YIPF6: variants seen among roughly 807,000 people sequenced by gnomAD.
YIPF6 encodes the protein Yip1 domain family member 6.
Under a neutral mutation model 16.8 loss-of-function variants are expected in YIPF6, and 3 were observed. The observed-to-expected ratio is 0.18, with a 90% confidence interval of 0.08 to 0.46. YIPF6 has a LOEUF of 0.46. Among genes scored for constraint, YIPF6 ranks in the 20% least tolerant of loss-of-function variants. The pLI, the probability that YIPF6 is intolerant of heterozygous loss-of-function variation, is 0.98. For missense variants in YIPF6, 145 were observed against 184.9 expected (o/e 0.78, Z 1.25); for synonymous variants, 67 against 61.9 (o/e 1.08, Z -0.38).
In YIPF6 at chrX:68,522,783, T is replaced by C; in HGVS notation, c.458T>C (p.Val153Ala). ...GNISFFQSLC[V>A]LGYCILPLTV... is the part of the protein sequence containing the mutation. ...AGATCTTTTTTTCAGAGCCTCTGTG[T>C]GCTGGGTTACTGTATACTTCCCTTG... is the stretch of plus-strand genomic sequence containing the variant. The change falls in exon 6 of 7, where the codon GTG (valine) becomes GCG (alanine). Residue 153 changes from valine to alanine, a missense_variant. By Grantham distance (64) the Val-to-Ala change is moderately conservative. Coordinates refer to ENST00000462683, the MANE Select transcript of YIPF6 (RefSeq NM_173834.4). 8.3e-7 allele frequency: 1 copy of C among 1,206,980 alleles called. No individual in the cohort carries two copies. The highest frequency in any genetic ancestry group is 1.1e-6 in the Non-Finnish European group (1 of 894,213).
In YIPF6 at chrX:68,535,423, T is replaced by A. The variant is rs2147830096; in HGVS notation, c.*3424T>A. On this transcript the variant is annotated 3_prime_UTR_variant, in exon 7 of 7. Coordinates refer to ENST00000462683, the MANE Select transcript of YIPF6 (RefSeq NM_173834.4). ...GGTAACATCAAGTCATTAGAATTTA[T>A]CTAAAGCTTATCATGATTTGATAAG... 1 of 112,391 alleles carries A rather than the reference T, an allele frequency of 8.9e-6. No individual in the cohort carries two copies. The highest frequency in any genetic ancestry group is 2.8e-4 in the East Asian group (1 of 3,580). The allele number at this position is 112,391 out of a possible 1,213,427, so 9.3% of individuals were successfully genotyped here.
chrX:68,504,453 G>A (rs912263102), intron 1 of YIPF6, among the ~76,000 whole-genome samples: 3 of 111,433 alleles, frequency 2.7e-5, no homozygotes, highest in African/African-American at 9.8e-5. Context: ...CCCATCCTGA[G>A]TCATCACCAG....
chrX:68,517,777 G>A (rs775279585), intron 3 of YIPF6, among the ~76,000 whole-genome samples: 3 of 107,201 alleles, frequency 2.8e-5, no homozygotes, highest in East Asian at 6.1e-4. Flanking sequence ...AGACCAGCCT[G>A]GGCAACATGG....
Position 68,526,686 on chromosome X carries a change from G to A in YIPF6, c.592+3769G>A, listed in dbSNP as rs374948661. The stretch of plus-strand genomic sequence containing the variant: ...TTATTGAGAGTTTTTAGCATGAAGC[G>A]GTGTTGAATTTTATCAAAGGCCTTT... On this transcript the variant is annotated intron_variant, in intron 6 of 6. Coordinates refer to ENST00000462683, the MANE Select transcript of YIPF6 (RefSeq NM_173834.4). 1.0e-3 allele frequency among the ~76,000 whole-genome samples: 116 copies of A among 111,605 alleles called. 2 individuals carry two copies. The highest frequency in any genetic ancestry group is 0.01 in the East Asian group (36 of 3,550).
intron 3 of YIPF6, chrX:68,513,611 A>G: frequency 4.0e-6 from 1 of 249,862 alleles, no homozygotes; most frequent in Admixed American, 6.8e-5. Context: ...TTTTTGAGAC[A>G]GAGTCTCACT....
At chrX:68,522,331 G>A (rs1215271503) in intron 5 of YIPF6, among the ~76,000 whole-genome samples, 1 of 107,099 alleles carries the variant, frequency 9.3e-6, no homozygotes, top group Non-Finnish European at 1.9e-5. Flanking sequence ...ATGGAGTCTC[G>A]CTCTGTCCAG....
chrX:68,528,733 A>G (rs6525240), intron 6 of YIPF6, among the ~76,000 whole-genome samples: 33,037 of 110,303 alleles, frequency 0.3, 7,055 homozygotes, highest in African/African-American at 0.76. Flanking sequence ...TTTCTCCTTC[A>G]CTTATGAAGA....
chrX:68,518,272 C>CAA (rs56068863), intron 3 of YIPF6, among the ~76,000 whole-genome samples: 1 of 74,151 alleles, frequency 1.3e-5, no homozygotes, highest in East Asian at 4.6e-4. Context: ...AACTCCATCT[C>CAA]AAAAAAAAAA....
intron 5 of YIPF6, among the ~76,000 whole-genome samples, chrX:68,521,895 C>T (rs1410465091): frequency 9.0e-6 from 1 of 110,805 alleles, no homozygotes; most frequent in Non-Finnish European, 1.9e-5. Flanking sequence ...TACCTGGCCT[C>T]ATATTTTGTT....
intron 3 of YIPF6, among the ~76,000 whole-genome samples, chrX:68,515,996 G>A (rs1422957497): frequency 2.7e-5 from 3 of 111,124 alleles, no homozygotes; most frequent in Admixed American, 9.6e-5. Flanking sequence ...GGTGGCAGGC[G>A]CCTGTAGTCC....
chrX:68,516,435 A>G (rs572606171), intron 3 of YIPF6, among the ~76,000 whole-genome samples: 44 of 111,583 alleles, frequency 3.9e-4, no homozygotes, highest in African/African-American at 1.2e-3. Context: ...TTTCAGCTCC[A>G]TTATAATTTT....
At chrX:68,527,177 C>T (rs763881662) in intron 6 of YIPF6, among the ~76,000 whole-genome samples, 26 of 111,513 alleles carry the variant, frequency 2.3e-4, no homozygotes, top group Middle Eastern at 9.3e-3. Flanking sequence ...TTCAGGGATT[C>T]GACGTCTTCC....
At chrX:68,521,237 A>T in intron 4 of YIPF6, 135 bp from the exon 5 acceptor site, 1 of 751,671 alleles carries the variant, frequency 1.3e-6, no homozygotes, top group East Asian at 3.7e-5. Flanking sequence ...TTTTCCTTTT[A>T]GCACAACCTA....
intron 4 of YIPF6, among the ~76,000 whole-genome samples, chrX:68,519,891 C>T (rs1195301221): frequency 1.8e-5 from 2 of 111,656 alleles, no homozygotes; most frequent in South Asian, 3.7e-4. Context: ...TTAGATGTCC[C>T]GAGCATATAT....
In YIPF6 at chrX:68,534,859, C is replaced by T. The variant is rs1205819170; in HGVS notation, c.*2860C>T. 1 of 112,113 alleles carries T rather than the reference C, an allele frequency of 8.9e-6. No homozygotes were observed. Among genetic ancestry groups the T allele is most frequent in the Non-Finnish European group, 1.9e-5 (1 of 53,281 alleles). The allele number at this position is 112,113 out of a possible 1,213,427, so 9.2% of individuals were successfully genotyped here. On this transcript the variant is annotated 3_prime_UTR_variant, in exon 7 of 7. Coordinates refer to ENST00000462683, the MANE Select transcript of YIPF6 (RefSeq NM_173834.4). ...GCAGGATTTGGGAACTTTCATGCTTCAGATGAAATTCAGGCATGTGAGCAT... is the reference window on the plus strand; with the variant it reads ...GCAGGATTTGGGAACTTTCATGCTTTAGATGAAATTCAGGCATGTGAGCAT...
In YIPF6 at chrX:68,537,124, C is replaced by T. The variant is rs185420346; in HGVS notation, c.*5125C>T. The T allele has an allele frequency of 5.2e-4, 58 of 112,249 alleles. No homozygotes were observed. The highest frequency in any genetic ancestry group is 1.8e-3 in the African/African-American group (57 of 30,958). The allele number at this position is 112,249 out of a possible 1,213,427, so 9.3% of individuals were successfully genotyped here. ...CTGCGCTGCTCTTGTTTACTCTGTTCTTTCAGAGCCTTTGTACTTTGCCAT... is the reference window on the plus strand; with the variant it reads ...CTGCGCTGCTCTTGTTTACTCTGTTTTTTCAGAGCCTTTGTACTTTGCCAT... On this transcript the variant is annotated 3_prime_UTR_variant, in exon 7 of 7. Transcript: ENST00000462683.
rs2147830211 is a variant in YIPF6 at position 68,535,750 on chromosome X, A to T, written c.*3751A>T. The T allele has an allele frequency of 9.0e-6, 1 of 111,544 alleles. No homozygotes were observed. The highest frequency in any genetic ancestry group is 2.8e-4 in the East Asian group (1 of 3,547). 9.2% of individuals were successfully genotyped at this position (111,544 alleles called of 1,213,427 possible). On this transcript the variant is annotated 3_prime_UTR_variant, in exon 7 of 7. Transcript: ENST00000462683. ...TTCTATTTTTTTAAGAATTTTTAAA[A>T]TAACAGCTTTATTGAAATACACTTT...
chrX:68,522,913 A>G lies in YIPF6; in HGVS notation c.588A>G (p.Ile196Met), dbSNP rs747475647. Residue 196 changes from isoleucine to methionine, a missense_variant, in exon 6 of 7, where the codon ATA (isoleucine) becomes ATG (methionine). Physicochemically the swap from Ile to Met is conservative, Grantham distance 10. Coordinates refer to ENST00000462683, the MANE Select transcript of YIPF6 (RefSeq NM_173834.4). ...TGATTGTGATGTTTGCCTGGTCTAT[A>G]GTTGGTAAGTATGTACTTATTTCCA... ...FVVIVMFAWS[I>M]VASTAFLADS... The G allele has an allele frequency of 8.3e-7, 1 of 1,210,383 alleles. No individual in the cohort carries two copies. The highest frequency in any genetic ancestry group is 1.1e-6 in the Non-Finnish European group (1 of 895,236).
At chrX:68,522,972 A>T in intron 6 of YIPF6, 55 bp downstream of exon 6, 3 of 1,179,746 alleles carry the variant, frequency 2.5e-6, no homozygotes, top group Admixed American at 2.3e-5. Context: ...TGATTTAATG[A>T]TGAAGACCAG....
Sources: allele counts gnomAD v4.1 joint callset (sites outside exome capture counted in the v4.1 genomes callset), GRCh38; gene constraint gnomAD v4.1.1; transcripts MANE v1.5; gene names NCBI Gene and HGNC (gene_info 2026-07-23, HGNC 2026-07-21).